The following PTPN2 variants were observed in gnomAD, a reference collection of about 807,000 sequenced individuals.
PTPN2 encodes the protein protein tyrosine phosphatase non-receptor type 2, also known as tyrosine-protein phosphatase non-receptor type 2.
PTPN2 carries 19 observed loss-of-function variants against 57.3 expected under a neutral mutation model. The ratio of observed to expected loss-of-function variants is 0.33; its 90% CI spans 0.23 to 0.49. PTPN2 has a LOEUF of 0.49. PTPN2 is among the 20% of genes least tolerant of loss of function. The pLI is 0.99. For synonymous variants in PTPN2, 153 were observed against 164.9 expected (o/e 0.93, Z 0.55); for missense variants, 358 against 501.1 (o/e 0.71, Z 2.73).
chr18:12,828,672 G>T (rs552024110), intron 4 of PTPN2, among the ~76,000 whole-genome samples: 3 of 152,138 alleles, frequency 2.0e-5, no homozygotes, highest in African/African-American at 7.2e-5. Flanking sequence ...ATGAACTCTT[G>T]AAGTATGTTA....
chr18:12,799,006 C>T (rs2041300346), intron 8 of PTPN2, among the ~76,000 whole-genome samples: 1 of 152,162 alleles, frequency 6.6e-6, no homozygotes, highest in South Asian at 2.1e-4. Flanking sequence ...ATCCAATAAA[C>T]TTCACGACTA....
intron 1 of PTPN2, among the ~76,000 whole-genome samples, chr18:12,860,409 C>T (rs1482164941): frequency 1.3e-5 from 2 of 151,638 alleles, no homozygotes; most frequent in South Asian, 2.1e-4. Flanking sequence ...CCAGCCTGGC[C>T]AGGATGGTGA....
At position 12,859,519 on chromosome 18, in the gene PTPN2, T is replaced by C. The variant is rs73404498; in HGVS notation, c.70-265A>G. Among the ~76,000 whole-genome samples, 1,458 of 152,350 alleles carry C rather than the reference T, an allele frequency of 9.6e-3. 16 individuals carry two copies. The highest frequency in any genetic ancestry group is 0.032 in the African/African-American group (1,337 of 41,582). ...TAGCTAGTAAGTGGCAGTCCCAGCATTGAACCAAGGTCCTTCAGATGCCAA... is the reference window on the plus strand; with the variant it reads ...TAGCTAGTAAGTGGCAGTCCCAGCACTGAACCAAGGTCCTTCAGATGCCAA... On this transcript the variant is annotated intron_variant, in intron 1 of 8. Transcript: ENST00000309660.
intron 2 of PTPN2, among the ~76,000 whole-genome samples, chr18:12,856,374 A>T (rs1019894356): frequency 1.3e-5 from 2 of 152,198 alleles, no homozygotes; most frequent in African/African-American, 4.8e-5. Flanking sequence ...CTGAGAGATC[A>T]GGAGAACATG....
At chr18:12,808,464 T>C (rs1298209564) in intron 7 of PTPN2, among the ~76,000 whole-genome samples, 8 of 148,832 alleles carry the variant, frequency 5.4e-5, no homozygotes, top group Admixed American at 4.7e-4. Context: ...CCCATAAATA[T>C]GTACAATTAC....
At chr18:12,815,436 G>A (rs1207625737) in intron 6 of PTPN2, among the ~76,000 whole-genome samples, 4 of 151,528 alleles carry the variant, frequency 2.6e-5, no homozygotes, top group African/African-American at 9.7e-5. Context: ...TAAATAAATA[G>A]AATAATAAAA....
intron 2 of PTPN2, among the ~76,000 whole-genome samples, chr18:12,847,552 T>C (rs937795461): frequency 1.5e-4 from 23 of 152,102 alleles, no homozygotes; most frequent in Admixed American, 3.3e-4. Context: ...AGTGCATCAA[T>C]AGCCCGCAGG....
At chr18:12,866,687 T>C (rs1423651699) in intron 1 of PTPN2, among the ~76,000 whole-genome samples, 2 of 151,990 alleles carry the variant, frequency 1.3e-5, no homozygotes, top group East Asian at 3.9e-4. Flanking sequence ...CACTAAACTG[T>C]ACCTTTTAGG....
chr18:12,883,054 C>T (rs1432970329), intron 1 of PTPN2, among the ~76,000 whole-genome samples: 1 of 152,222 alleles, frequency 6.6e-6, no homozygotes, highest in Non-Finnish European at 1.5e-5. Context: ...GTTTATACTA[C>T]ATATTGCATC....
intron 4 of PTPN2, among the ~76,000 whole-genome samples, chr18:12,830,675 T>G (rs1409986045): frequency 6.6e-6 from 1 of 152,190 alleles, no homozygotes; most frequent in Non-Finnish European, 1.5e-5. Context: ...TAAGGATTCC[T>G]AGGGATTCCA....
chr18:12,797,006 A>G (rs2041214267), intron 8 of PTPN2, among the ~76,000 whole-genome samples: 2 of 152,158 alleles, frequency 1.3e-5, no homozygotes, highest in South Asian at 4.1e-4. Flanking sequence ...TCATATATAC[A>G]GGTATCCCTG....
intron 5 of PTPN2, among the ~76,000 whole-genome samples, chr18:12,817,582 A>C (rs1371906821): frequency 2.0e-5 from 3 of 152,212 alleles, no homozygotes; most frequent in Non-Finnish European, 4.4e-5. Context: ...CGCATACAAC[A>C]CTTACTATTT....
intron 2 of PTPN2, among the ~76,000 whole-genome samples, chr18:12,849,464 CAGG>C (rs1166357376): frequency 6.6e-6 from 1 of 152,176 alleles, no homozygotes; most frequent in Non-Finnish European, 1.5e-5. Context: ...GAGGCTGAGG[CAGG>C]AGAATTGCTT....
chr18:12,849,984 CTTCT>C (rs1293792286), intron 2 of PTPN2, among the ~76,000 whole-genome samples: 5 of 151,820 alleles, frequency 3.3e-5, no homozygotes, highest in African/African-American at 9.7e-5. Flanking sequence ...TTATATGCAC[CTTCT>C]TTCTTTCTTG....
chr18:12,853,165 T>G (rs1217647555), intron 2 of PTPN2, among the ~76,000 whole-genome samples: 1 of 152,194 alleles, frequency 6.6e-6, no homozygotes, highest in East Asian at 1.9e-4. Flanking sequence ...TTAAAAAATT[T>G]TTTAGAGACA....
intron 2 of PTPN2, among the ~76,000 whole-genome samples, chr18:12,849,522 G>A (rs1375036409): frequency 6.6e-6 from 1 of 151,882 alleles, no homozygotes; most frequent in Non-Finnish European, 1.5e-5. Context: ...TCGTGCCACC[G>A]CACTCCAGCC....
intron 2 of PTPN2, among the ~76,000 whole-genome samples, chr18:12,841,334 C>A (rs1428090958): frequency 1.3e-5 from 2 of 152,236 alleles, no homozygotes; most frequent in African/African-American, 4.8e-5. Flanking sequence ...GCTACAGGCA[C>A]AGGCTCTGGA....
intron 1 of PTPN2, among the ~76,000 whole-genome samples, chr18:12,875,207 G>T (rs2044445826): frequency 6.6e-6 from 1 of 151,846 alleles, no homozygotes; most frequent in South Asian, 2.1e-4. Context: ...GAAAACCAGA[G>T]ACCTTTGTTC....
chr18:12,819,417 T>G, intron 5 of PTPN2: 1 of 401,568 alleles, frequency 2.5e-6, no homozygotes, highest in Non-Finnish European at 4.4e-6. Context: ...CTATTCCATT[T>G]TTATGACATT....
Sources: gnomAD v4.1 joint callset for allele counts (sites outside exome capture counted in the v4.1 genomes callset) on GRCh38, gnomAD v4.1.1 for gene constraint, MANE v1.5 for transcripts, NCBI Gene and HGNC (gene_info 2026-07-23, HGNC 2026-07-21) for gene names.